The following EFCAB3 variants were observed in gnomAD, a reference collection of about 807,000 sequenced individuals.
The protein encoded by EFCAB3 is EF-hand calcium binding domain 3.
A neutral mutation model predicts 42.2 loss-of-function variants in EFCAB3; 36 were observed. The observed-to-expected ratio is 0.85, with a 90% CI of 0.65 to 1.13. The LOEUF (loss-of-function observed/expected upper bound fraction) is 1.13. Among genes scored for constraint, EFCAB3 ranks in the 50% most tolerant of loss-of-function variants. The probability of loss-of-function intolerance (pLI) is 0.00; values close to 1 mark genes in which losing one functional copy is unlikely to be tolerated. For missense variants in EFCAB3, 418 were observed against 505.1 expected, an observed-to-expected ratio of 0.83 and a Z score of 1.65; for synonymous variants, 170 against 172.8, an observed-to-expected ratio of 0.98 and a Z score of 0.13.
chr17:62,409,534 G>C (rs1032160486), intron 8 of EFCAB3, among the ~76,000 whole-genome samples: 3 of 151,744 alleles, frequency 2.0e-5, no homozygotes, highest in African/African-American at 7.3e-5. Context: ...ACATAGTGAG[G>C]CTCCATCTCT....
intron 8 of EFCAB3, among the ~76,000 whole-genome samples, chr17:62,410,904 A>G (rs902125669): frequency 2.0e-5 from 3 of 152,210 alleles, no homozygotes; most frequent in Non-Finnish European, 1.5e-5. Context: ...AACTCAGTCC[A>G]TAGCCAAGCT....
In EFCAB3 at chr17:62,395,126, A is replaced by G; in HGVS notation, c.426A>G (p.Glu142=). Residue 142 remains glutamate (E), a synonymous_variant, in exon 6 of 10, where the codon GAA becomes GAG. Coordinates refer to ENST00000305286, the MANE Select transcript of EFCAB3 (RefSeq NM_173503.4). Reference sequence around the variant, plus strand: ...GCAACCCAGGAATCCTATTGTTTGAAATCCTATCAAGGCTTCTAGAGACTT... The same window carrying G: ...GCAACCCAGGAATCCTATTGTTTGAGATCCTATCAAGGCTTCTAGAGACTT... ...LAGNPGILLF[E]ILSRLLETSA... is the part of the protein sequence containing the mutation. The G allele has an allele frequency of 6.2e-7, 1 of 1,614,126 alleles. No homozygotes were observed. The highest frequency in any genetic ancestry group is 8.5e-7 in the Non-Finnish European group (1 of 1,180,024).
At position 62,400,494 on chromosome 17, in the gene EFCAB3, T is replaced by C. The variant is rs573114932; in HGVS notation, c.488+5306T>C. Among the ~76,000 whole-genome samples the C allele has an allele frequency of 3.9e-4, 60 of 152,340 alleles. 1 individual carries two copies. The highest frequency in any genetic ancestry group is 1.2e-3 in the South Asian group (6 of 4,826). Reference sequence around the variant, plus strand: ...ACATGCGGTGTTTGGTTTTCTGTCCTTGAGACAGTTTGCTCAGAATGATGG... The same window carrying C: ...ACATGCGGTGTTTGGTTTTCTGTCCCTGAGACAGTTTGCTCAGAATGATGG... On this transcript the variant is annotated intron_variant, in intron 6 of 9. Transcript: ENST00000305286.
At chr17:62,406,226 A>T (rs1317982195) in intron 6 of EFCAB3, among the ~76,000 whole-genome samples, 1 of 151,928 alleles carries the variant, frequency 6.6e-6, no homozygotes, top group East Asian at 1.9e-4. Context: ...AAAAACAAAA[A>T]CTCTGGGAAG....
intron 8 of EFCAB3, among the ~76,000 whole-genome samples, chr17:62,409,071 T>C (rs1219183754): frequency 6.6e-6 from 1 of 152,218 alleles, no homozygotes; most frequent in African/African-American, 2.4e-5. Context: ...TAATAATTTT[T>C]TTTTGAGTCA....
chr17:62,392,077 C>T, intron 4 of EFCAB3, 112 bp downstream of exon 4: 1 of 858,086 alleles, frequency 1.2e-6, no homozygotes, highest in Non-Finnish European at 1.6e-6. Context: ...CTTGCCCCCC[C>T]AAATATATAT....
intron 2 of EFCAB3, among the ~76,000 whole-genome samples, chr17:62,386,313 C>T (rs1026426700): frequency 1.3e-5 from 2 of 152,086 alleles, no homozygotes; most frequent in African/African-American, 4.8e-5. Context: ...TATGTTCCTG[C>T]CTTTTCCAGA....
At chr17:62,404,788 T>C (rs1239382950) in intron 6 of EFCAB3, among the ~76,000 whole-genome samples, 1 of 151,806 alleles carries the variant, frequency 6.6e-6, no homozygotes, top group Non-Finnish European at 1.5e-5. Context: ...AAGAACAAAA[T>C]TCCATCTCAA....
In EFCAB3 at chr17:62,416,316, G is replaced by C; in HGVS notation, c.1304G>C (p.Gly435Ala). ...GRKRKRKGLK[G>A]FQQ ...AAAAGAAAACGGAAAGGTTTAAAGG[G>C]ATTTCAACAATGAAATTTCTACATT... is the stretch of plus-strand genomic sequence containing the variant. The change falls in exon 10 of 10, where the codon GGA becomes GCA. Residue 435 changes from glycine to alanine, a missense_variant. Transcript: ENST00000305286. 1 of 1,580,624 alleles carries C rather than the reference G, an allele frequency of 6.3e-7. No individual in the cohort carries two copies. The highest frequency in any genetic ancestry group is 8.6e-7 in the Non-Finnish European group (1 of 1,167,174).
chr17:62,381,058 T>C lies in EFCAB3; in HGVS notation c.-18+445T>C, dbSNP rs545103087. ...ACACGTGCACAACGTGCAGGTTAGT[T>C]ACATACGTATACATGTGCCATGTTG... On this transcript the variant is annotated intron_variant, in intron 1 of 9. Coordinates refer to ENST00000305286, the MANE Select transcript of EFCAB3 (RefSeq NM_173503.4). 1.5e-4 allele frequency among the ~76,000 whole-genome samples: 23 copies of C among 152,300 alleles called. No homozygotes were observed. In the East Asian group the frequency reaches 3.3e-3, roughly 22 times the overall value.
upstream of EFCAB3, among the ~76,000 whole-genome samples, chr17:62,379,417 C>CAAA (rs34114907): frequency 1.0e-5 from 1 of 99,530 alleles, no homozygotes; most frequent in Non-Finnish European, 2.2e-5. Context: ...GAGACCTCAC[C>CAAA]AAAAAAAAAA....
chr17:62,390,152 A>T (rs2070291134), intron 3 of EFCAB3, among the ~76,000 whole-genome samples: 1 of 152,182 alleles, frequency 6.6e-6, no homozygotes, highest in Non-Finnish European at 1.5e-5. Context: ...CGGAGGGGGA[A>T]ATGGGGTCAC....
intron 2 of EFCAB3, among the ~76,000 whole-genome samples, chr17:62,374,210 C>T (rs566286473): frequency 4.7e-4 from 71 of 152,272 alleles, no homozygotes; most frequent in African/African-American, 1.6e-3. Context: ...CCTGTAATCC[C>T]AGCACTTTGG....
intron 6 of EFCAB3, among the ~76,000 whole-genome samples, chr17:62,396,884 A>G (rs901706685): frequency 3.3e-5 from 5 of 152,278 alleles, no homozygotes; most frequent in Admixed American, 2.6e-4. Flanking sequence ...CCTCTAAAAA[A>G]ATAAAATAAA....
intron 2 of EFCAB3, chr17:62,373,944 T>C (rs780811315): frequency 2.2e-5 from 17 of 780,806 alleles, no homozygotes; most frequent in Admixed American, 3.1e-5. Context: ...TTTTCTTGGT[T>C]ATAAAAGTAA....
At chr17:62,413,247 T>C (rs1448754289) in intron 8 of EFCAB3, among the ~76,000 whole-genome samples, 3 of 152,096 alleles carry the variant, frequency 2.0e-5, no homozygotes, top group Non-Finnish European at 4.4e-5. Flanking sequence ...AAAAATAACC[T>C]ATATAAAAAT....
intron 1 of EFCAB3, chr17:62,381,844 T>C: frequency 2.3e-6 from 1 of 433,818 alleles, no homozygotes; most frequent in Non-Finnish European, 4.6e-6. Context: ...GCCCAGGGTA[T>C]TGGCAAGGTT....
chr17:62,406,888 G>T, intron 7 of EFCAB3, 140 bp from the exon 8 acceptor site: 1 of 400,076 alleles, frequency 2.5e-6, no homozygotes, highest in Non-Finnish European at 4.2e-6. Context: ...ATGGGTGGGG[G>T]GTGGGAGCAG....
chr17:62,415,591 G>A (rs1450726176), intron 9 of EFCAB3, among the ~76,000 whole-genome samples: 5 of 151,962 alleles, frequency 3.3e-5, no homozygotes, highest in African/African-American at 4.8e-5. Flanking sequence ...CCCTCTCCCT[G>A]GAACACCTTC....
Sources: gnomAD v4.1 joint callset for allele counts (sites outside exome capture counted in the v4.1 genomes callset) on GRCh38, gnomAD v4.1.1 for gene constraint, MANE v1.5 for transcripts, NCBI Gene and HGNC (gene_info 2026-07-23, HGNC 2026-07-21) for gene names.